The following TSPAN5 variants were observed in gnomAD, a reference collection of about 807,000 sequenced individuals.
TSPAN5 encodes tetraspanin 5.
A neutral mutation model predicts 37.1 loss-of-function variants in TSPAN5; 10 were observed. The observed-to-expected ratio is 0.27, with a 90% CI of 0.17 to 0.46. TSPAN5 has a LOEUF of 0.46. Among genes scored for constraint, TSPAN5 ranks in the 20% least tolerant of loss-of-function variants. The pLI is 1.00. For synonymous variants in TSPAN5, 110 were observed against 118.9 expected (o/e 0.93, Z 0.48); for missense variants, 195 against 326.6 (o/e 0.60, Z 3.11).
At chr4:98,628,199 A>T (rs1756650993) in intron 1 of TSPAN5, among the ~76,000 whole-genome samples, 1 of 152,236 alleles carries the variant, frequency 6.6e-6, no homozygotes, top group South Asian at 2.1e-4. Context: ...AAAAGGACTC[A>T]TCAGAAGTCT....
At chr4:98,493,895 A>G (rs916339113) in intron 2 of TSPAN5, among the ~76,000 whole-genome samples, 3 of 152,200 alleles carry the variant, frequency 2.0e-5, no homozygotes, top group Non-Finnish European at 4.4e-5. Flanking sequence ...AAATATATTC[A>G]ACAAATTGGC....
intron 1 of TSPAN5, among the ~76,000 whole-genome samples, chr4:98,647,593 A>G (rs1009335471): frequency 6.6e-6 from 1 of 152,204 alleles, no homozygotes; most frequent in African/African-American, 2.4e-5. Flanking sequence ...ACTTATCAAA[A>G]TAGTAAATAG....
intron 1 of TSPAN5, among the ~76,000 whole-genome samples, chr4:98,551,083 AT>A (rs1754604377): frequency 6.6e-6 from 1 of 152,184 alleles, no homozygotes; most frequent in Non-Finnish European, 1.5e-5. Flanking sequence ...GACTTTTATC[AT>A]GAAGAGATGC....
At chr4:98,520,982 A>G (rs1753841414) in intron 1 of TSPAN5, among the ~76,000 whole-genome samples, 1 of 152,026 alleles carries the variant, frequency 6.6e-6, no homozygotes, top group Non-Finnish European at 1.5e-5. Context: ...CCCAGGCTGG[A>G]GTGCAGTGGC....
chr4:98,551,063 G>A (rs1251248726), intron 1 of TSPAN5, among the ~76,000 whole-genome samples: 3 of 152,016 alleles, frequency 2.0e-5, no homozygotes, highest in Non-Finnish European at 4.4e-5. Context: ...TCTGTGTCTC[G>A]TATGTTGAAG....
intron 1 of TSPAN5, among the ~76,000 whole-genome samples, chr4:98,563,778 G>A (rs1317425070): frequency 1.3e-5 from 2 of 152,220 alleles, no homozygotes; most frequent in African/African-American, 4.8e-5. Context: ...CCAAAATGGA[G>A]GCAATTCTGG....
At chr4:98,492,031 C>T (rs908467302) in intron 2 of TSPAN5, among the ~76,000 whole-genome samples, 2 of 152,152 alleles carry the variant, frequency 1.3e-5, no homozygotes, top group African/African-American at 2.4e-5. Context: ...CTTCTGGGAA[C>T]CTGAGGCCCC....
chr4:98,639,960 T>C (rs1310271758), intron 1 of TSPAN5, among the ~76,000 whole-genome samples: 1 of 152,152 alleles, frequency 6.6e-6, no homozygotes, highest in Non-Finnish European at 1.5e-5. Flanking sequence ...AGAATTCCAC[T>C]TGACAAATGC....
intron 1 of TSPAN5, among the ~76,000 whole-genome samples, chr4:98,592,421 G>GTTTTTTTTTTTTTTTTT (rs1204813183): frequency 1.5e-4 from 14 of 95,258 alleles, no homozygotes; most frequent in African/African-American, 5.7e-4. Context: ...AGGGATCTCT[G>GTTTTTTTTTTTTTTTTT]TTTTTTGTTT....
At chr4:98,648,424 C>T (rs778945685) in intron 1 of TSPAN5, among the ~76,000 whole-genome samples, 2 of 152,116 alleles carry the variant, frequency 1.3e-5, no homozygotes, top group African/African-American at 4.8e-5. Flanking sequence ...CACTGACACA[C>T]GCAGAGTGGT....
intron 1 of TSPAN5, among the ~76,000 whole-genome samples, chr4:98,543,257 G>A (rs1350954325): frequency 6.6e-6 from 1 of 152,100 alleles, no homozygotes; most frequent in African/African-American, 2.4e-5. Flanking sequence ...AACTCTGCAT[G>A]AGCCTGTGTT....
At chr4:98,473,700 C>T (rs899095729) in intron 7 of TSPAN5, among the ~76,000 whole-genome samples, 2 of 152,184 alleles carry the variant, frequency 1.3e-5, no homozygotes, top group Non-Finnish European at 2.9e-5. Flanking sequence ...ACCTCATGAT[C>T]CACCCGCCTC....
At chr4:98,598,556 C>T (rs531586665) in intron 1 of TSPAN5, among the ~76,000 whole-genome samples, 6 of 152,104 alleles carry the variant, frequency 3.9e-5, no homozygotes, top group African/African-American at 1.4e-4. Context: ...CCTCCACCTC[C>T]CGGGCTCAAG....
At chr4:98,501,167 A>C (rs1753338492) in intron 2 of TSPAN5, among the ~76,000 whole-genome samples, 1 of 152,204 alleles carries the variant, frequency 6.6e-6, no homozygotes, top group South Asian at 2.1e-4. Context: ...CGAGAGAAGT[A>C]ATTTTCTTCT....
intron 2 of TSPAN5, among the ~76,000 whole-genome samples, chr4:98,498,247 A>C (rs949723344): frequency 2.0e-5 from 3 of 152,138 alleles, no homozygotes; most frequent in African/African-American, 7.2e-5. Context: ...CAGGTAGCCC[A>C]GGTCAGGAAG....
chr4:98,635,956 G>C (rs1341374059), intron 1 of TSPAN5, among the ~76,000 whole-genome samples: 1 of 152,190 alleles, frequency 6.6e-6, no homozygotes, highest in African/African-American at 2.4e-5. Flanking sequence ...AGCACCCAAA[G>C]GGTATAATTC....
At chr4:98,631,225 T>C (rs895076697) in intron 1 of TSPAN5, among the ~76,000 whole-genome samples, 1 of 152,118 alleles carries the variant, frequency 6.6e-6, no homozygotes, top group African/African-American at 2.4e-5. Context: ...ATTCTAATGC[T>C]CTGGTAGCTC....
At chr4:98,623,416 T>C (rs1756525763) in intron 1 of TSPAN5, among the ~76,000 whole-genome samples, 1 of 152,322 alleles carries the variant, frequency 6.6e-6, no homozygotes, top group East Asian at 1.9e-4. Context: ...GACAAGAAGG[T>C]ATTTAATTAG....
chr4:98,579,348 C>G (rs1755317425), intron 1 of TSPAN5, among the ~76,000 whole-genome samples: 1 of 152,156 alleles, frequency 6.6e-6, no homozygotes, highest in African/African-American at 2.4e-5. Flanking sequence ...AGCATTTTAC[C>G]TATAAACCAG....
Sources: gnomAD v4.1 joint callset for allele counts (sites outside exome capture counted in the v4.1 genomes callset) on GRCh38, gnomAD v4.1.1 for gene constraint, MANE v1.5 for transcripts, NCBI Gene and HGNC (gene_info 2026-07-23, HGNC 2026-07-21) for gene names.